The following RRM2 variants were observed in gnomAD, a reference collection of about 807,000 sequenced individuals.
RRM2 encodes ribonucleoside-diphosphate reductase subunit M2.
A neutral mutation model predicts 45.9 loss-of-function variants in RRM2; 6 were observed. That is an observed-to-expected ratio of 0.13 (90% confidence interval 0.07 to 0.26). The LOEUF (loss-of-function observed/expected upper bound fraction) is 0.26. Ranked by LOEUF, RRM2 falls within the 10% of genes least tolerant of loss-of-function variation. RRM2 has a pLI of 1.00. For synonymous variants in RRM2, 177 were observed against 173.0 expected (o/e 1.02, Z -0.18); for missense variants, 343 against 489.5 (o/e 0.70, Z 2.82).
intron 3 of RRM2, among the ~76,000 whole-genome samples, chr2:10,189,606 C>A (rs186081413): frequency 1.6e-4 from 25 of 152,222 alleles, no homozygotes; most frequent in Admixed American, 1.1e-3. Flanking sequence ...TGGTTAGAGT[C>A]CCCAGCACAG....
chr2:10,133,527 G>T (rs1306680014), downstream of RRM2, among the ~76,000 whole-genome samples: 1 of 152,158 alleles, frequency 6.6e-6, no homozygotes, highest in Non-Finnish European at 1.5e-5. Flanking sequence ...CTCTTAGCAA[G>T]ACAGGCACAG....
At position 10,179,968 on chromosome 2, in the gene RRM2, C is replaced by T. The variant is rs150394239; in HGVS notation, n.483-30343C>T. Among the ~76,000 whole-genome samples the T allele has an allele frequency of 2.3e-3, 353 of 152,312 alleles. 4 individuals are homozygous for T. Among genetic ancestry groups the T allele is most frequent in the African/African-American group, 7.9e-3 (330 of 41,554 alleles). On this transcript the variant is annotated intron_variant and non_coding_transcript_variant, in intron 3 of 3. Transcript: ENST00000381786. The stretch of plus-strand genomic sequence containing the variant: ...TAATCCAGCTCTAGAGCCACCTCCT[C>T]GGGAAGCCCTCCACCCAGAGCCACC...
At chr2:10,132,050 T>G (rs1311435014), downstream of RRM2, among the ~76,000 whole-genome samples, 3 of 152,132 alleles carry the variant, frequency 2.0e-5, no homozygotes, top group African/African-American at 7.2e-5. Flanking sequence ...CCAGCACAGG[T>G]TTGGATTGGT....
chr2:10,124,466 C>T (rs181250474), intron 4 of RRM2, among the ~76,000 whole-genome samples: 3 of 152,208 alleles, frequency 2.0e-5, no homozygotes, highest in African/African-American at 7.2e-5. Context: ...TCTCTTATTG[C>T]GAATGGATCT....
rs540598472 is a variant in RRM2 at position 10,193,413 on chromosome 2, C to T, written n.483-16898C>T. 8.5e-5 allele frequency among the ~76,000 whole-genome samples: 13 copies of T among 152,314 alleles called. No homozygotes were observed. In the East Asian group the frequency reaches 2.3e-3, roughly 27 times the overall value. The stretch of plus-strand genomic sequence containing the variant: ...TGTGAGACTGTTTTGGGCCTGGAGG[C>T]GGCAACAGCTTTCCACGGGGCTGGG... On this transcript the variant is annotated intron_variant and non_coding_transcript_variant, in intron 3 of 3. Transcript: ENST00000381786.
chr2:10,148,999 AT>A (rs1375427134), intron 3 of RRM2, among the ~76,000 whole-genome samples: 5 of 151,350 alleles, frequency 3.3e-5, no homozygotes, highest in African/African-American at 1.2e-4. Flanking sequence ...GCACCTTTCC[AT>A]TTCATCATGA....
chr2:10,162,567 C>T (rs1334813436), intron 3 of RRM2, among the ~76,000 whole-genome samples: 1 of 152,168 alleles, frequency 6.6e-6, no homozygotes, highest in Non-Finnish European at 1.5e-5. Context: ...TAGTGGGAAA[C>T]CATCTTCCTT....
chr2:10,189,552 A>G (rs1450612031), intron 3 of RRM2, among the ~76,000 whole-genome samples: 2 of 152,190 alleles, frequency 1.3e-5, no homozygotes, highest in Non-Finnish European at 1.5e-5. Flanking sequence ...AAAGCAGACC[A>G]CAGTGGCTGC....
upstream of RRM2, among the ~76,000 whole-genome samples, chr2:10,138,601 T>C (rs191593069): frequency 4.9e-4 from 75 of 152,128 alleles, no homozygotes; most frequent in African/African-American, 1.7e-3. Flanking sequence ...GCACCCGGCC[T>C]TTCACCTCCC....
intron 3 of RRM2, among the ~76,000 whole-genome samples, chr2:10,143,030 C>T (rs1437438173): frequency 6.6e-6 from 1 of 152,168 alleles, no homozygotes; most frequent in African/African-American, 2.4e-5. Flanking sequence ...CCCACCACCT[C>T]GCCTGGCTAA....
chr2:10,152,406 G>T (rs1428284358), intron 3 of RRM2, among the ~76,000 whole-genome samples: 7 of 150,388 alleles, frequency 4.7e-5, no homozygotes, highest in African/African-American at 1.7e-4. Flanking sequence ...AAAAGTAAAA[G>T]ACTTAATTTT....
At position 10,189,337 on chromosome 2, in the gene RRM2, G is replaced by A. The variant is rs147214078; in HGVS notation, n.483-20974G>A. Among the ~76,000 whole-genome samples, 190 of 152,308 alleles carry A rather than the reference G, an allele frequency of 1.2e-3. 2 individuals carry two copies. Among genetic ancestry groups the A allele is most frequent in the African/African-American group, 4.0e-3 (167 of 41,568 alleles). Reference sequence around the variant, plus strand: ...TCTAGAGGGGAGATGAATGTGAGGCGCTGCCCCGGAGGAGACAGGAATGGC... The same window carrying A: ...TCTAGAGGGGAGATGAATGTGAGGCACTGCCCCGGAGGAGACAGGAATGGC... On this transcript the variant is annotated intron_variant and non_coding_transcript_variant, in intron 3 of 3. Coordinates refer to the RRM2 transcript ENST00000381786.
chr2:10,154,211 C>T (rs534012794), intron 3 of RRM2, among the ~76,000 whole-genome samples: 6 of 152,254 alleles, frequency 3.9e-5, no homozygotes, highest in African/African-American at 7.2e-5. Context: ...TGGTGGCTCA[C>T]GCCTGTAATC....
At chr2:10,142,426 G>C (rs1399544463) in intron 3 of RRM2, 1 of 1,364,648 alleles carries the variant, frequency 7.3e-7, no homozygotes, top group African/African-American at 1.5e-5. Flanking sequence ...CCACTGTGGA[G>C]GTGGCTTGCG....
chr2:10,173,733 G>A (rs554467785), intron 3 of RRM2, among the ~76,000 whole-genome samples: 1 of 152,386 alleles, frequency 6.6e-6, no homozygotes, highest in Non-Finnish European at 1.5e-5. Context: ...GACCTGCCCA[G>A]AAGAATTCAG....
At chr2:10,162,611 G>A (rs1364452815) in intron 3 of RRM2, among the ~76,000 whole-genome samples, 3 of 152,116 alleles carry the variant, frequency 2.0e-5, no homozygotes, top group Non-Finnish European at 4.4e-5. Flanking sequence ...TTTCTGGGAG[G>A]GATGACTGTG....
chr2:10,210,546 G>A (rs1234496563), exon 4 of RRM2: 1 of 1,366,724 alleles, frequency 7.3e-7, no homozygotes, highest in African/African-American at 1.5e-5. Flanking sequence ...ACTCCACACA[G>A]GCCTGCGGAG....
chr2:10,133,278 TTG>T (rs1273624427), downstream of RRM2, among the ~76,000 whole-genome samples: 2 of 152,270 alleles, frequency 1.3e-5, no homozygotes, highest in Non-Finnish European at 2.9e-5. Flanking sequence ...TTACACTTCA[TTG>T]TGTGTGCACA....
intron 3 of RRM2, among the ~76,000 whole-genome samples, chr2:10,165,263 CT>C (rs1400537661): frequency 6.6e-6 from 1 of 152,232 alleles, no homozygotes; most frequent in Non-Finnish European, 1.5e-5. Context: ...TTTTGGTTAC[CT>C]TCATCGGAAC....
Sources: gnomAD v4.1 joint callset for allele counts (sites outside exome capture counted in the v4.1 genomes callset) on GRCh38, gnomAD v4.1.1 for gene constraint, MANE v1.5 for transcripts, NCBI Gene and HGNC (gene_info 2026-07-23, HGNC 2026-07-21) for gene names.